Variants in SIM1 observed in about 807,000 individuals in gnomAD.
The protein encoded by SIM1 is SIM bHLH transcription factor 1, also known as single-minded homolog 1.
In SIM1, 18 loss-of-function variants were observed where a neutral mutation model predicts 78.2. That is an observed-to-expected ratio of 0.23 (90% confidence interval 0.16 to 0.34). The LOEUF is 0.34. Ranked by LOEUF, SIM1 falls within the 10% of genes least tolerant of loss-of-function variation. The pLI is 1.00. For missense variants in SIM1, 939 were observed against 975.1 expected, an observed-to-expected ratio of 0.96 and a Z score of 0.49; for synonymous variants, 417 against 385.2, an observed-to-expected ratio of 1.08 and a Z score of -0.97.
intron 8 of SIM1, 120 bp from the exon 9 acceptor site, chr6:100,447,535 G>GGA (rs888449384): frequency 1.7e-4 from 189 of 1,093,038 alleles, no homozygotes; most frequent in African/African-American, 9.7e-4. Context: ...GCACCAGGCA[G>GGA]GAGAGAGAGA....
At chr6:100,393,009 C>T (rs1483498598) in intron 11 of SIM1, among the ~76,000 whole-genome samples, 1 of 152,146 alleles carries the variant, frequency 6.6e-6, no homozygotes, top group Non-Finnish European at 1.5e-5. Flanking sequence ...AAGTTACTGG[C>T]ATTTAATGCC....
chr6:100,448,703 G>C lies in SIM1; in HGVS notation c.544-25C>G, dbSNP rs771812586. 2.1e-5 allele frequency: 33 copies of C among 1,595,826 alleles called. No homozygotes were observed. The South Asian group carries it at 3.4e-4, about 17-fold the overall frequency. ...CCTGAGGCAGAGGGATAGGGAGGGA[G>C]ACTCAGCCACAGGTAGGAAGAGCCC... On this transcript the variant is annotated intron_variant, in intron 6 of 11. Transcript: ENST00000369208.
chr6:100,448,434 C>A (rs1298258154), intron 7 of SIM1, 45 bp downstream of exon 7: 3 of 1,583,876 alleles, frequency 1.9e-6, no homozygotes, highest in East Asian at 2.3e-5. Flanking sequence ...CTAAGCAGGG[C>A]CGCCCTCAGG....
In SIM1 at chr6:100,386,147, A is replaced by T. The variant is rs1770511939; in HGVS notation, c.*4214T>A. 6.6e-6 allele frequency: 1 copy of T among 152,050 alleles called. No individual in the cohort carries two copies. 9.4% of individuals were successfully genotyped at this position (152,050 alleles called of 1,614,324 possible). The stretch of plus-strand genomic sequence containing the variant: ...CCATAGGATTTACATTCTTTTTAAA[A>T]TCATTATGAAAACAGGATGTATGTC... On this transcript the variant is annotated 3_prime_UTR_variant, in exon 12 of 12. Coordinates refer to ENST00000369208, the MANE Select transcript of SIM1 (RefSeq NM_005068.3).
At chr6:100,404,193 G>C (rs548627397) in intron 10 of SIM1, among the ~76,000 whole-genome samples, 1 of 152,094 alleles carries the variant, frequency 6.6e-6, no homozygotes, top group Non-Finnish European at 1.5e-5. Flanking sequence ...TTTTGATTAC[G>C]GTCGTTAAGA....
Position 100,463,573 on chromosome 6 carries a change from A to T in SIM1, c.-105T>A, listed in dbSNP as rs948829375. On this transcript the variant is annotated 5_prime_UTR_variant, in exon 2 of 12. The change abolishes an upstream ATG in the 5' untranslated region. Coordinates refer to ENST00000369208, the MANE Select transcript of SIM1 (RefSeq NM_005068.3). ...ATCATATTTGGCAAAAACATAAAAC[A>T]TACTTTGAATAAAGAGGCTGAAGTA... 1 of 1,050,378 alleles carries T rather than the reference A, an allele frequency of 9.5e-7. No individual in the cohort carries two copies. The highest frequency in any genetic ancestry group is 1.6e-5 in the African/African-American group (1 of 62,954). The allele number at this position is 1,050,378 out of a possible 1,614,324, so 65.1% of individuals were successfully genotyped here. A position where few individuals can be genotyped will look rare whatever the true frequency, so the allele number is the denominator to read the frequency against.
chr6:100,438,731 G>A (rs1045030128), intron 9 of SIM1, among the ~76,000 whole-genome samples: 1 of 152,188 alleles, frequency 6.6e-6, no homozygotes, highest in African/African-American at 2.4e-5. Flanking sequence ...CAACCAATGA[G>A]TGGATAAAGA....
intron 10 of SIM1, among the ~76,000 whole-genome samples, chr6:100,395,706 C>T (rs961560397): frequency 1.3e-5 from 2 of 152,182 alleles, no homozygotes; most frequent in Non-Finnish European, 1.5e-5. Context: ...ACAAAACAAA[C>T]TTTCCCCTCA....
At chr6:100,393,149 C>T (rs1419232852) in intron 11 of SIM1, among the ~76,000 whole-genome samples, 1 of 152,070 alleles carries the variant, frequency 6.6e-6, no homozygotes, top group Non-Finnish European at 1.5e-5. Flanking sequence ...TATTCAAGTC[C>T]ACATTTGAAG....
At chr6:100,397,001 T>C (rs979381441) in intron 10 of SIM1, among the ~76,000 whole-genome samples, 9 of 152,212 alleles carry the variant, frequency 5.9e-5, no homozygotes, top group African/African-American at 2.2e-4. Flanking sequence ...AGTTTTGAAA[T>C]GTTTGATTCC....
At chr6:100,461,008 C>T (rs1772825244) in intron 2 of SIM1, among the ~76,000 whole-genome samples, 2 of 151,942 alleles carry the variant, frequency 1.3e-5, no homozygotes, top group South Asian at 4.2e-4. Flanking sequence ...AGAGTTCACA[C>T]ATCGTCCATC....
intron 10 of SIM1, among the ~76,000 whole-genome samples, chr6:100,419,808 A>G (rs1771518178): frequency 6.6e-6 from 1 of 151,992 alleles, no homozygotes; most frequent in African/African-American, 2.4e-5. Flanking sequence ...CACCTGGCTA[A>G]TTTTTGTATT....
chr6:100,456,355 G>C (rs1441540964), intron 2 of SIM1, among the ~76,000 whole-genome samples: 1 of 152,154 alleles, frequency 6.6e-6, no homozygotes, highest in Non-Finnish European at 1.5e-5. Flanking sequence ...CTGAGATTTC[G>C]TTTCTGCACT....
In SIM1 at chr6:100,390,816, C is replaced by G. The variant is rs757303574; in HGVS notation, c.1846G>C (p.Gly616Arg). The G allele has an allele frequency of 2.5e-6, 4 of 1,614,162 alleles. No individual in the cohort carries two copies. The highest frequency in any genetic ancestry group is 2.2e-5 in the South Asian group (2 of 91,088). ...FANYQQPPPTGEVCHGSALAN... is the reference protein window; with the variant it reads ...FANYQQPPPTREVCHGSALAN... Reference sequence around the variant, plus strand: ...AGAGCAGAGCCATGGCAGACTTCACCTGTTGGTGGGGGCTGTTGGTAGTTT... The same window carrying G: ...AGAGCAGAGCCATGGCAGACTTCACGTGTTGGTGGGGGCTGTTGGTAGTTT... Residue 616 changes from glycine (G) to arginine (R), a missense_variant, in exon 12 of 12, where the codon GGT becomes CGT. Physicochemically the swap from Gly to Arg is moderately radical, Grantham distance 125. Coordinates refer to ENST00000369208, the MANE Select transcript of SIM1 (RefSeq NM_005068.3).
chr6:100,433,950 C>T (rs1199399094), intron 9 of SIM1, among the ~76,000 whole-genome samples: 4 of 152,242 alleles, frequency 2.6e-5, no homozygotes, highest in Non-Finnish European at 5.9e-5. Context: ...TGACTACACT[C>T]TAAAACATTT....
chr6:100,432,820 A>C (rs1847912), intron 9 of SIM1, among the ~76,000 whole-genome samples: 1 of 152,068 alleles, frequency 6.6e-6, no homozygotes, highest in Admixed American at 6.5e-5. Context: ...AACTGCTTAC[A>C]TGACATTTCC....
intron 9 of SIM1, among the ~76,000 whole-genome samples, chr6:100,427,903 C>A (rs954837504): frequency 6.6e-6 from 1 of 152,166 alleles, no homozygotes; most frequent in Non-Finnish European, 1.5e-5. Context: ...TATTTACTGT[C>A]TAGACAGTAT....
rs1770616458 is a variant in SIM1 at position 100,390,722 on chromosome 6, T to C, written c.1940A>G (p.Asp647Gly). 6.2e-7 allele frequency: 1 copy of C among 1,614,176 alleles called. No individual in the cohort carries two copies. The highest frequency in any genetic ancestry group is 8.5e-7 in the Non-Finnish European group (1 of 1,180,032). The change falls in exon 12 of 12, where the codon GAC becomes GGC. Residue 647 changes from aspartate (D) to glycine (G), a missense_variant. Transcript: ENST00000369208. ...TAGTGCGGTGGGACTGTTGTCATAG[T>C]CATTTTCATGGGGGCTCAACATTTT... ...EGKMLSPHEN[D>G]YDNSPTALSR...
intron 9 of SIM1, among the ~76,000 whole-genome samples, chr6:100,444,687 G>T (rs550788507): frequency 6.6e-6 from 1 of 152,076 alleles, no homozygotes. Context: ...TGTTGCAACT[G>T]CTTATTAAAA....
Sources: allele counts gnomAD v4.1 joint callset (sites outside exome capture counted in the v4.1 genomes callset), GRCh38; gene constraint gnomAD v4.1.1; transcripts MANE v1.5; gene names NCBI Gene and HGNC (gene_info 2026-07-23, HGNC 2026-07-21).